Variants in IGSF9B observed in about 807,000 individuals in gnomAD.
IGSF9B encodes protein turtle homolog B.
In IGSF9B, 48 loss-of-function variants were observed where a neutral mutation model predicts 143.7. That is an observed-to-expected ratio of 0.33 (90% CI 0.26 to 0.42). IGSF9B has a LOEUF of 0.42. Among genes scored for constraint, IGSF9B ranks in the 20% least tolerant of loss-of-function variants. IGSF9B has a pLI of 1.00. For synonymous variants in IGSF9B, 903 were observed against 833.1 expected (o/e 1.08, Z -1.44); for missense variants, 1,706 against 1,980.0 (o/e 0.86, Z 2.63).
chr11:133,925,642 C>A, intron 14 of IGSF9B, 97 bp downstream of exon 14: 2 of 948,428 alleles, frequency 2.1e-6, no homozygotes, highest in Non-Finnish European at 3.3e-6. Flanking sequence ...GCTGGCCTCA[C>A]ACACCCAAAG....
chr11:133,920,101 G>C lies in IGSF9B; in HGVS notation c.3624C>G (p.Pro1208=). Residue 1208 remains proline (P), a synonymous_variant, in exon 18 of 20, where the codon CCC becomes CCG. Transcript: ENST00000533871. ...CAGGGGAGCCGGTGCGGGAGCTGAG[G>C]GGGCTTTGGGTCAGAGGTGAGAGCC... ...PSRLSPLTQS[P]LSSRTGSPEL... 1 of 1,520,398 alleles carries C rather than the reference G, an allele frequency of 6.6e-7. No individual in the cohort carries two copies. Among genetic ancestry groups the C allele is most frequent in the South Asian group, 1.3e-5 (1 of 76,278 alleles). The allele number at this position is 1,520,398 out of a possible 1,614,324, so 94.2% of individuals were successfully genotyped here.
chr11:133,926,458 G>A (rs1054809756), intron 13 of IGSF9B, among the ~76,000 whole-genome samples: 1 of 152,180 alleles, frequency 6.6e-6, no homozygotes, highest in East Asian at 1.9e-4. Context: ...CCTTTCTCTG[G>A]CTCCAGAGCA....
chr11:133,919,439 C>A (rs113081179), intron 18 of IGSF9B, among the ~76,000 whole-genome samples: 1 of 152,220 alleles, frequency 6.6e-6, no homozygotes, highest in Non-Finnish European at 1.5e-5. Flanking sequence ...GGTCCACCCC[C>A]GCAAGGGCAC....
At chr11:133,930,122 C>T (rs191300) in intron 11 of IGSF9B, among the ~76,000 whole-genome samples, 134,157 of 152,062 alleles carry the variant, frequency 0.88, 59,716 homozygotes, top group Non-Finnish European at 0.95. Context: ...TCTCCTAAGG[C>T]GGCAGGCACA....
chr11:133,934,947 C>T (rs531534428), intron 7 of IGSF9B, among the ~76,000 whole-genome samples: 2 of 152,376 alleles, frequency 1.3e-5, no homozygotes, highest in South Asian at 4.1e-4. Context: ...TATTACTCCT[C>T]ATTACTCATC....
At chr11:133,952,871 C>T (rs1040400174) in intron 1 of IGSF9B, among the ~76,000 whole-genome samples, 1 of 152,170 alleles carries the variant, frequency 6.6e-6, no homozygotes, top group African/African-American at 2.4e-5. Flanking sequence ...CATTCAGATC[C>T]ACTCTTCACA....
chr11:133,919,756 C>T lies in IGSF9B; in HGVS notation c.3969G>A (p.Thr1323=), dbSNP rs554567572. Residue 1323 remains threonine, a synonymous_variant, in exon 18 of 20, where the codon ACG becomes ACA. Transcript: ENST00000533871. ...ELLRPETPPP[T]LPTSGTLPPA... ...GGCGCACTCACCCTGAAGTAGGTAA[C>T]GTGGGTGGTGGGGTCTCCGGTCGGA... is the stretch of plus-strand genomic sequence containing the variant. 2.0e-6 allele frequency: 3 copies of T among 1,465,502 alleles called. No individual in the cohort carries two copies. The highest frequency in any genetic ancestry group is 2.4e-5 in the East Asian group (1 of 41,404). 90.8% of individuals were successfully genotyped at this position (1,465,502 alleles called of 1,614,324 possible).
At position 133,902,225 on chromosome 11, in the gene IGSF9B, TAC is replaced by T. The variant is rs924462104; in HGVS notation, c.*6842_*6843del. ...CCACAAGCATACACCACACGCAACATACACACACCAAACCACACTCAACACAC... is the reference window on the plus strand; with the variant it reads ...CCACAAGCATACACCACACGCAACATACACACCAAACCACACTCAACACAC... On this transcript the variant is annotated 3_prime_UTR_variant, in exon 20 of 20. Coordinates refer to ENST00000533871, the MANE Select transcript of IGSF9B (RefSeq NM_001277285.4). Among the ~76,000 whole-genome samples, 3 of 109,298 alleles carry T rather than the reference TAC, an allele frequency of 2.7e-5. No homozygotes were observed. Among genetic ancestry groups the T allele is most frequent in the East Asian group, 3.1e-4 (1 of 3,178 alleles). 71.7% of individuals were successfully genotyped at this position (109,298 alleles called of 152,430 possible).
Position 133,950,633 on chromosome 11 carries a change from G to A in IGSF9B, c.65-4375C>T, listed in dbSNP as rs532715740. Among the ~76,000 whole-genome samples, 4 of 152,272 alleles carry A rather than the reference G, an allele frequency of 2.6e-5. No individual in the cohort carries two copies. In the East Asian group the frequency reaches 5.8e-4, roughly 22 times the overall value. ...TTTCTTAGGGCCTGAGCCAGAGGTC[G>A]GCAACTCCAACCCCACACTGGGGAC... On this transcript the variant is annotated intron_variant, in intron 1 of 19. Coordinates refer to ENST00000533871, the MANE Select transcript of IGSF9B (RefSeq NM_001277285.4).
intron 6 of IGSF9B, 95 bp from the exon 7 acceptor site, chr11:133,935,857 G>A: frequency 1.3e-6 from 2 of 1,490,464 alleles, no homozygotes; most frequent in Non-Finnish European, 1.8e-6. Context: ...GTGGCATGGA[G>A]AGCCCATGCC....
chr11:133,919,680 G>A, intron 18 of IGSF9B, 62 bp downstream of exon 18: 3 of 1,103,380 alleles, frequency 2.7e-6, no homozygotes, highest in East Asian at 2.9e-5. Context: ...GGAGGGCAGG[G>A]CGAGGCGGGT....
chr11:133,901,161 C>T lies in IGSF9B; in HGVS notation c.*7908G>A, dbSNP rs1030455578. On this transcript the variant is annotated 3_prime_UTR_variant, in exon 20 of 20. Coordinates refer to ENST00000533871, the MANE Select transcript of IGSF9B (RefSeq NM_001277285.4). ...TCCTGCAGCTCCACACAACCTTCAG[C>T]TCACTTGTCCTTCCTGCAGGTGGGT... 1 of 152,290 alleles carries T rather than the reference C, an allele frequency of 6.6e-6. No homozygotes were observed. The highest frequency in any genetic ancestry group is 2.4e-5 in the African/African-American group (1 of 41,474). 9.4% of individuals were successfully genotyped at this position (152,290 alleles called of 1,614,324 possible). A position where few individuals can be genotyped will look rare whatever the true frequency, so the allele number is the denominator to read the frequency against.
In IGSF9B at chr11:133,908,204, A is replaced by C. The variant is rs996952316; in HGVS notation, c.*865T>G. On this transcript the variant is annotated 3_prime_UTR_variant, in exon 20 of 20. Coordinates refer to ENST00000533871, the MANE Select transcript of IGSF9B (RefSeq NM_001277285.4). ...TAGCCCCGCGGCTGAGTTAGCCTCT[A>C]CTCCTGCAGCGTGAGCCACGCTGGA... Among the ~76,000 whole-genome samples, 5 of 152,106 alleles carry C rather than the reference A, an allele frequency of 3.3e-5. No individual in the cohort carries two copies. Among genetic ancestry groups the C allele is most frequent in the African/African-American group, 1.2e-4 (5 of 41,424 alleles).
In IGSF9B at chr11:133,907,571, C is replaced by A. The variant is rs1939228060; in HGVS notation, c.*1498G>T. 2.0e-5 allele frequency among the ~76,000 whole-genome samples: 3 copies of A among 152,240 alleles called. No individual in the cohort carries two copies. On this transcript the variant is annotated 3_prime_UTR_variant, in exon 20 of 20. Transcript: ENST00000533871. ...TCTCCCCTCCACCCCGCCCTCGGGG[C>A]CTTCTGCCCTGCCCTTGGGCAGCAC...
chr11:133,949,236 G>A (rs1323371230), intron 1 of IGSF9B, among the ~76,000 whole-genome samples: 2 of 152,182 alleles, frequency 1.3e-5, no homozygotes, highest in African/African-American at 4.8e-5. Context: ...GGGCGCCCAT[G>A]TCCTGGCCTC....
intron 18 of IGSF9B, 127 bp downstream of exon 18, chr11:133,919,615 G>A: frequency 4.7e-6 from 3 of 638,122 alleles, no homozygotes; most frequent in Non-Finnish European, 7.2e-6. Context: ...CCTCTCCGAG[G>A]GACGCCGGTG....
At position 133,903,886 on chromosome 11, in the gene IGSF9B, C is replaced by G. The variant is rs947160937; in HGVS notation, c.*5183G>C. Among the ~76,000 whole-genome samples, 2 of 152,170 alleles carry G rather than the reference C, an allele frequency of 1.3e-5. No individual in the cohort carries two copies. The highest frequency in any genetic ancestry group is 6.5e-5 in the Admixed American group (1 of 15,280). ...GCTGGTAAGAGTGCGAAAGTCCAAT[C>G]TGGGCTTTGATCCTTGGTTTACTGA... is the stretch of plus-strand genomic sequence containing the variant. On this transcript the variant is annotated 3_prime_UTR_variant, in exon 20 of 20. Coordinates refer to ENST00000533871, the MANE Select transcript of IGSF9B (RefSeq NM_001277285.4).
Position 133,945,987 on chromosome 11 carries a change from G to T in IGSF9B, c.262+74C>A. 9.8e-7 allele frequency: 1 copy of T among 1,016,080 alleles called. No individual in the cohort carries two copies. The highest frequency in any genetic ancestry group is 1.6e-5 in the South Asian group (1 of 61,402). The allele number at this position is 1,016,080 out of a possible 1,614,324, so 62.9% of individuals were successfully genotyped here. ...GATAAAGAGTGGTCAGGACAAGGCA[G>T]GGGCCAGAGGGGAACCACCGAGGAG... On this transcript the variant is annotated intron_variant, in intron 2 of 19. Transcript: ENST00000533871. The surrounding 1 kb of genome is among the most constrained non-coding windows in gnomAD (Gnocchi z 4.6).
Position 133,906,592 on chromosome 11 carries a change from G to A in IGSF9B, c.*2477C>T, listed in dbSNP as rs1211186326. 6.6e-6 allele frequency among the ~76,000 whole-genome samples: 1 copy of A among 152,214 alleles called. No individual in the cohort carries two copies. The highest frequency in any genetic ancestry group is 1.9e-4 in the East Asian group (1 of 5,192). On this transcript the variant is annotated 3_prime_UTR_variant, in exon 20 of 20. Transcript: ENST00000533871. The stretch of plus-strand genomic sequence containing the variant: ...GAGTCAGCACCTGGGTTAGCACGGG[G>A]GTGCCCTGGAAGGCACAGCCATGGC...
Sources: gnomAD v4.1 joint callset for allele counts (sites outside exome capture counted in the v4.1 genomes callset) on GRCh38, gnomAD v4.1.1 for gene constraint, Gnocchi (gnomAD v3.1) non-coding constraint, MANE v1.5 for transcripts, NCBI Gene and HGNC (gene_info 2026-07-23, HGNC 2026-07-21) for gene names.